The following KLHL1 variants were observed in gnomAD, a reference collection of about 807,000 sequenced individuals.
The protein encoded by KLHL1 is kelch-like protein 1.
In KLHL1, 47 loss-of-function variants were observed where a neutral mutation model predicts 77.7. That is an observed-to-expected ratio of 0.60 (90% CI 0.48 to 0.77). The LOEUF (loss-of-function observed/expected upper bound fraction) is 0.77, where lower values mean the gene tolerates loss of function less well. Among genes scored for constraint, KLHL1 ranks in the 30% least tolerant of loss-of-function variants. The pLI, the probability that KLHL1 is intolerant of heterozygous loss-of-function variation, is 0.00. For synonymous variants in KLHL1, 360 were observed against 325.2 expected (o/e 1.11, Z -1.15); for missense variants, 925 against 910.8 (o/e 1.02, Z -0.20).
At chr13:70,081,806 G>A (rs1381617225) in intron 1 of KLHL1, among the ~76,000 whole-genome samples, 1 of 152,168 alleles carries the variant, frequency 6.6e-6, no homozygotes, top group South Asian at 2.1e-4. Flanking sequence ...CAATAGAATT[G>A]TTTGATTTTA....
intron 1 of KLHL1, among the ~76,000 whole-genome samples, chr13:70,056,576 CACAAA>C (rs1311118017): frequency 6.6e-6 from 1 of 152,064 alleles, no homozygotes; most frequent in Non-Finnish European, 1.5e-5. Context: ...TATGACTGGC[CACAAA>C]ACAAATCTTA....
At chr13:69,785,241 C>A (rs959448263) in intron 7 of KLHL1, among the ~76,000 whole-genome samples, 2 of 152,026 alleles carry the variant, frequency 1.3e-5, no homozygotes, top group South Asian at 2.1e-4. Context: ...CCAAAATAGA[C>A]CACATAGTTG....
At position 69,796,748 on chromosome 13, in the gene KLHL1, T is replaced by A; in HGVS notation, c.1629A>T (p.Arg543Ser). Reference protein sequence around the residue: ...WTVLPPMSTHRHGLGVTVLEG... With the variant: ...WTVLPPMSTHSHGLGVTVLEG... Reference sequence around the variant, plus strand: ...AAAGTAAGATCTTACCTAGACCATGTCTGTGTGTTGACATTGGTGGTAAGA... The same window carrying A: ...AAAGTAAGATCTTACCTAGACCATGACTGTGTGTTGACATTGGTGGTAAGA... The change falls in exon 7 of 11, where the codon AGA becomes AGT. Residue 543 changes from arginine to serine, a missense_variant. Physicochemically the swap from Arg to Ser is moderately radical, Grantham distance 110. Coordinates refer to ENST00000377844, the MANE Select transcript of KLHL1 (RefSeq NM_020866.3). 6.2e-7 allele frequency: 1 copy of A among 1,608,292 alleles called. No individual in the cohort carries two copies. Among genetic ancestry groups the A allele is most frequent in the Non-Finnish European group, 8.5e-7 (1 of 1,174,608 alleles).
chr13:69,988,617 G>A (rs1013435223), intron 1 of KLHL1, among the ~76,000 whole-genome samples: 6 of 152,008 alleles, frequency 3.9e-5, no homozygotes, highest in African/African-American at 1.4e-4. Flanking sequence ...AACCTTGCTA[G>A]CATGTGTTAT....
intron 3 of KLHL1, among the ~76,000 whole-genome samples, chr13:69,953,941 C>G (rs1201992669): frequency 2.0e-5 from 3 of 151,176 alleles, no homozygotes; most frequent in Non-Finnish European, 4.5e-5. Context: ...TTATGCTAAA[C>G]TAGCTTAATT....
intron 8 of KLHL1, among the ~76,000 whole-genome samples, chr13:69,724,718 C>A (rs764405844): frequency 6.6e-6 from 1 of 152,126 alleles, no homozygotes; most frequent in South Asian, 2.1e-4. Flanking sequence ...CATACATACA[C>A]CACATGAATA....
At chr13:69,926,325 G>T (rs574069948) in intron 4 of KLHL1, among the ~76,000 whole-genome samples, 56 of 152,084 alleles carry the variant, frequency 3.7e-4, no homozygotes, top group African/African-American at 1.2e-3. Context: ...TATATTAAAT[G>T]CCATGACTTT....
At chr13:69,828,871 A>G (rs1359282035) in intron 6 of KLHL1, among the ~76,000 whole-genome samples, 1 of 149,594 alleles carries the variant, frequency 6.7e-6, no homozygotes, top group Non-Finnish European at 1.5e-5. Flanking sequence ...AGAGAACCAC[A>G]CCTCCATCCC....
intron 4 of KLHL1, among the ~76,000 whole-genome samples, chr13:69,885,065 C>T (rs1373754925): frequency 7.0e-6 from 1 of 142,028 alleles, no homozygotes; most frequent in Non-Finnish European, 1.5e-5. Context: ...CTCAGCCTCC[C>T]GAGTAGCTGG....
At chr13:70,099,808 T>C (rs1197177827) in intron 1 of KLHL1, among the ~76,000 whole-genome samples, 1 of 152,006 alleles carries the variant, frequency 6.6e-6, no homozygotes, top group Non-Finnish European at 1.5e-5. Context: ...TAAACTAAGG[T>C]TTAATTAAAA....
intron 2 of KLHL1, among the ~76,000 whole-genome samples, chr13:69,967,726 A>T (rs566229298): frequency 6.6e-6 from 1 of 152,248 alleles, no homozygotes; most frequent in East Asian, 1.9e-4. Flanking sequence ...CTCTACTAAA[A>T]ATACAAAAAT....
At chr13:69,773,162 AATT>A (rs1282738763) in intron 7 of KLHL1, among the ~76,000 whole-genome samples, 1 of 152,048 alleles carries the variant, frequency 6.6e-6, no homozygotes, top group Non-Finnish European at 1.5e-5. Flanking sequence ...ATATATATTA[AATT>A]ATTTATTTTT....
intron 3 of KLHL1, among the ~76,000 whole-genome samples, chr13:69,959,425 C>T (rs1342642687): frequency 6.6e-6 from 1 of 151,784 alleles, no homozygotes; most frequent in African/African-American, 2.4e-5. Flanking sequence ...AATATTCCTC[C>T]ATATGACTGT....
intron 1 of KLHL1, among the ~76,000 whole-genome samples, chr13:70,061,315 C>A (rs1297604927): frequency 6.7e-6 from 1 of 149,460 alleles, no homozygotes; most frequent in Non-Finnish European, 1.5e-5. Context: ...TCCTTACTCC[C>A]CTTTCCTTGG....
chr13:69,911,221 T>C (rs1180499146), intron 4 of KLHL1, among the ~76,000 whole-genome samples: 6 of 152,128 alleles, frequency 3.9e-5, no homozygotes, highest in Admixed American at 3.9e-4. Flanking sequence ...TGATTCCTAA[T>C]ACATTTTTCT....
chr13:70,050,889 C>T (rs1403019732), intron 1 of KLHL1, among the ~76,000 whole-genome samples: 1 of 151,574 alleles, frequency 6.6e-6, no homozygotes, highest in Non-Finnish European at 1.5e-5. Context: ...AATTATGATC[C>T]CTAGGACATT....
At chr13:69,770,260 G>A (rs1322739924) in intron 7 of KLHL1, among the ~76,000 whole-genome samples, 1 of 152,308 alleles carries the variant, frequency 6.6e-6, no homozygotes, top group Admixed American at 6.5e-5. Context: ...AACCCAAGGT[G>A]ATCACAGAAT....
chr13:69,921,921 ATTT>A (rs1197300551), intron 4 of KLHL1, among the ~76,000 whole-genome samples: 3 of 122,632 alleles, frequency 2.4e-5, no homozygotes, highest in African/African-American at 3.1e-5. Context: ...TGAATGATTG[ATTT>A]TTTTTTTTTT....
At chr13:69,826,519 G>A (rs372221440) in intron 6 of KLHL1, among the ~76,000 whole-genome samples, 35 of 152,254 alleles carry the variant, frequency 2.3e-4, no homozygotes, top group African/African-American at 7.9e-4. Flanking sequence ...GGCAGAGGTT[G>A]CAGTTAGCCA....
Sources: gnomAD v4.1 joint callset for allele counts (sites outside exome capture counted in the v4.1 genomes callset) on GRCh38, gnomAD v4.1.1 for gene constraint, MANE v1.5 for transcripts, NCBI Gene and HGNC (gene_info 2026-07-23, HGNC 2026-07-21) for gene names.